Variants in NAV2 observed in about 807,000 individuals in gnomAD.
The protein encoded by NAV2 is helicase, APC down-regulated 1.
A neutral mutation model predicts 223.2 loss-of-function variants in NAV2; 54 were observed. That is an observed-to-expected ratio of 0.24 (90% confidence interval 0.19 to 0.30). The LOEUF (loss-of-function observed/expected upper bound fraction) is 0.30, where lower values mean the gene tolerates loss of function less well. Ranked by LOEUF, NAV2 falls within the 10% of genes least tolerant of loss-of-function variation. NAV2 has a pLI of 1.00. For missense variants in NAV2, 2,806 were observed against 3,147.5 expected, an observed-to-expected ratio of 0.89 and a Z score of 2.60; for synonymous variants, 1,279 against 1,239.3, an observed-to-expected ratio of 1.03 and a Z score of -0.67.
At chr11:20,001,088 C>T (rs543568852) in intron 11 of NAV2, among the ~76,000 whole-genome samples, 1 of 152,156 alleles carries the variant, frequency 6.6e-6, no homozygotes, top group Non-Finnish European at 1.5e-5. Context: ...CGCCTCGTCC[C>T]CAACATCTAA....
chr11:19,932,595 A>G (rs1328242659), intron 6 of NAV2, among the ~76,000 whole-genome samples: 1 of 152,230 alleles, frequency 6.6e-6, no homozygotes, highest in East Asian at 1.9e-4. Flanking sequence ...CTGGGATTAC[A>G]GGTGTGAGCC....
chr11:19,407,328 A>G (rs1371555361), intron 1 of NAV2, among the ~76,000 whole-genome samples: 1 of 152,158 alleles, frequency 6.6e-6, no homozygotes, highest in African/African-American at 2.4e-5. Flanking sequence ...AGAGGCTGAC[A>G]AGCAGCACCG....
upstream of NAV2, among the ~76,000 whole-genome samples, chr11:19,349,870 T>G (rs886494844): frequency 2.1e-4 from 32 of 152,136 alleles, no homozygotes; most frequent in African/African-American, 7.5e-4. Context: ...GTCTGCTCTA[T>G]CTGCAGATTC....
At chr11:19,612,148 T>A (rs1247589904) in intron 1 of NAV2, among the ~76,000 whole-genome samples, 2 of 152,200 alleles carry the variant, frequency 1.3e-5, no homozygotes, top group South Asian at 4.1e-4. Context: ...CTTTCAGCCA[T>A]GGCTGGAGCA....
At chr11:20,108,911 T>C (rs1242594503) in intron 36 of NAV2, among the ~76,000 whole-genome samples, 1 of 152,220 alleles carries the variant, frequency 6.6e-6, no homozygotes, top group Non-Finnish European at 1.5e-5. Context: ...AGACATCACA[T>C]GTGGCTGAAT....
At chr11:19,347,016 T>C (rs1462897340), upstream of NAV2, among the ~76,000 whole-genome samples, 1 of 152,174 alleles carries the variant, frequency 6.6e-6, no homozygotes, top group Non-Finnish European at 1.5e-5. Flanking sequence ...ATGAAACAGG[T>C]CAGGCCCCCA....
intron 1 of NAV2, among the ~76,000 whole-genome samples, chr11:19,638,096 A>G (rs990476067): frequency 2.6e-5 from 4 of 152,172 alleles, no homozygotes; most frequent in African/African-American, 9.7e-5. Context: ...TTGAACCCTC[A>G]TTTGTAGAAA....
chr11:19,408,823 G>GGAGC (rs57544707), intron 1 of NAV2, among the ~76,000 whole-genome samples: 2 of 71,660 alleles, frequency 2.8e-5, no homozygotes, highest in East Asian at 7.4e-4. Flanking sequence ...TTCTGGCGGG[G>GGAGC]TGGGGGGATG....
chr11:19,946,335 A>G, intron 8 of NAV2, 66 bp from the exon 9 acceptor site: 2 of 1,417,158 alleles, frequency 1.4e-6, no homozygotes, highest in Non-Finnish European at 1.9e-6. Flanking sequence ...ATAGACATGG[A>G]TGCTGCCCTT....
intron 1 of NAV2, among the ~76,000 whole-genome samples, chr11:19,580,284 A>G (rs1169583673): frequency 6.6e-6 from 1 of 152,140 alleles, no homozygotes; most frequent in East Asian, 1.9e-4. Flanking sequence ...TTTCCCAGGA[A>G]AAGAACATGG....
chr11:19,728,198 G>A (rs1224495887), intron 1 of NAV2, among the ~76,000 whole-genome samples: 1 of 152,212 alleles, frequency 6.6e-6, no homozygotes, highest in Non-Finnish European at 1.5e-5. Flanking sequence ...CATAGCATAT[G>A]AGACAGTATG....
Position 20,120,988 on chromosome 11 carries a change from A to C in NAV2, c.*2730A>C, listed in dbSNP as rs937818823. 1.3e-5 allele frequency: 2 copies of C among 152,540 alleles called. No individual in the cohort carries two copies. Among genetic ancestry groups the C allele is most frequent in the African/African-American group, 4.8e-5 (2 of 41,430 alleles). The allele number at this position is 152,540 out of a possible 1,614,324, so 9.4% of individuals were successfully genotyped here. ...ATGGAAGCCAAAAGTTCTCTTCCCA[A>C]ACTGCCAAGAATGATACAGGCCATA... On this transcript the variant is annotated 3_prime_UTR_variant, in exon 38 of 38. Transcript: ENST00000349880.
intron 30 of NAV2, among the ~76,000 whole-genome samples, chr11:20,096,309 T>A (rs1217498670): frequency 6.6e-6 from 1 of 152,234 alleles, no homozygotes; most frequent in Non-Finnish European, 1.5e-5. Flanking sequence ...ATCATTAGAT[T>A]GGGTGTTTGC....
At chr11:19,597,254 G>A (rs2046228617) in intron 1 of NAV2, among the ~76,000 whole-genome samples, 2 of 152,214 alleles carry the variant, frequency 1.3e-5, no homozygotes, top group Non-Finnish European at 2.9e-5. Context: ...TAACACATAA[G>A]AAGTGCTCAA....
At chr11:19,895,049 T>A (rs1278583607) in intron 6 of NAV2, among the ~76,000 whole-genome samples, 1 of 151,976 alleles carries the variant, frequency 6.6e-6, no homozygotes, top group Non-Finnish European at 1.5e-5. Context: ...ATTTATTAAG[T>A]GCATATTATA....
chr11:19,793,206 CAAA>C (rs557365857), intron 1 of NAV2, among the ~76,000 whole-genome samples: 4 of 58,280 alleles, frequency 6.9e-5, no homozygotes, highest in Admixed American at 1.8e-4. Flanking sequence ...CACTCTGTCT[CAAA>C]AAAAAAAAAA....
chr11:19,870,754 T>C (rs551905879), intron 4 of NAV2, among the ~76,000 whole-genome samples: 2 of 152,342 alleles, frequency 1.3e-5, no homozygotes, highest in Admixed American at 1.3e-4. Flanking sequence ...GAAGAAACTT[T>C]GGTTTAAAGA....
intron 1 of NAV2, among the ~76,000 whole-genome samples, chr11:19,392,383 A>ATTTT (rs5790071): frequency 6.7e-6 from 1 of 149,954 alleles, no homozygotes. Flanking sequence ...CAGCAGGGTG[A>ATTTT]TTTTTTTTTT....
At chr11:19,575,952 T>A (rs1460136633) in intron 1 of NAV2, among the ~76,000 whole-genome samples, 1 of 152,214 alleles carries the variant, frequency 6.6e-6, no homozygotes, top group Admixed American at 6.5e-5. Flanking sequence ...CGGTGTGGAC[T>A]CTAATAGATG....
Sources: allele counts gnomAD v4.1 joint callset (sites outside exome capture counted in the v4.1 genomes callset), GRCh38; gene constraint gnomAD v4.1.1; transcripts MANE v1.5; gene names NCBI Gene and HGNC (gene_info 2026-07-23, HGNC 2026-07-21).